Variants in ZNF106 observed in about 807,000 individuals in gnomAD.
The protein encoded by ZNF106 is zinc finger protein 106, also known as SH3-domain binding protein 3.
In ZNF106, 67 loss-of-function variants were observed where a neutral mutation model predicts 195.1. The ratio of observed to expected loss-of-function variants is 0.34; its 90% confidence interval spans 0.28 to 0.42. ZNF106 has a LOEUF of 0.42. Among genes scored for constraint, ZNF106 ranks in the 10% least tolerant of loss-of-function variants. The pLI is 1.00. For synonymous variants in ZNF106, 784 were observed against 818.6 expected, an observed-to-expected ratio of 0.96 and a Z score of 0.72; for missense variants, 2,118 against 2,304.5, an observed-to-expected ratio of 0.92 and a Z score of 1.66.
At chr15:42,487,886 G>A (rs2057052089) in intron 1 of ZNF106, among the ~76,000 whole-genome samples, 1 of 152,070 alleles carries the variant, frequency 6.6e-6, no homozygotes, top group South Asian at 2.1e-4. Flanking sequence ...ATATATGGTT[G>A]TCCCTCGATA....
chr15:42,449,984 C>T lies in ZNF106; in HGVS notation c.2288G>A (p.Ser763Asn). Residue 763 changes from serine to asparagine, a missense_variant, in exon 5 of 22, where the codon AGC (serine) becomes AAC (asparagine). By Grantham distance (46) the Ser-to-Asn change is conservative. Coordinates refer to ENST00000564754, the MANE Select transcript of ZNF106 (RefSeq NM_001366845.3). Reference sequence around the variant, plus strand: ...CTCAGGAAGGTGTACTCCAGTTTTGCTCTTCAAACTAATGTGCCGGGTTAG... The same window carrying T: ...CTCAGGAAGGTGTACTCCAGTTTTGTTCTTCAAACTAATGTGCCGGGTTAG... Reference protein sequence around the residue: ...RDLTRHISLKSKTGVHLPEPN... With the variant: ...RDLTRHISLKNKTGVHLPEPN... 1 of 1,614,178 alleles carries T rather than the reference C, an allele frequency of 6.2e-7. No individual in the cohort carries two copies. Among genetic ancestry groups the T allele is most frequent in the South Asian group, 1.1e-5 (1 of 91,084 alleles).
chr15:42,435,577 T>G, intron 13 of ZNF106, 59 bp from the exon 14 acceptor site: 1 of 1,599,134 alleles, frequency 6.3e-7, no homozygotes, highest in Non-Finnish European at 8.6e-7. Context: ...TTAGATAATA[T>G]ATTTCCTCAA....
In ZNF106 at chr15:42,451,424, G is replaced by A. The variant is rs1226793573; in HGVS notation, c.848C>T (p.Thr283Ile). Residue 283 changes from threonine to isoleucine, a missense_variant, in exon 5 of 22, where the codon ACT (threonine) becomes ATT (isoleucine). By Grantham distance (89) the Thr-to-Ile change is moderately conservative. Transcript: ENST00000564754. ...ATTAGATTTCTTGTTCCATAGCATA[G>A]TCATGTCTTCCATTTGACAGTTAGA... The part of the protein sequence containing the change: ...RNSNCQMEDM[T>I]MLWNKKSNKS... 4 of 1,614,064 alleles carry A rather than the reference G, an allele frequency of 2.5e-6. No homozygotes were observed. Among genetic ancestry groups the A allele is most frequent in the Non-Finnish European group, 3.4e-6 (4 of 1,180,048 alleles).
Position 42,451,952 on chromosome 15 carries a change from T to C in ZNF106, c.320A>G (p.Gln107Arg), listed in dbSNP as rs760418913. The C allele has an allele frequency of 1.9e-6, 3 of 1,600,394 alleles. No individual in the cohort carries two copies. Among genetic ancestry groups the C allele is most frequent in the Non-Finnish European group, 2.6e-6 (3 of 1,173,644 alleles). ...TTGGTTGCTATTGGAAGGTTCATCT[T>C]GTCTGGAAGAAAAACAGTTTTTCAT... Reference protein sequence around the residue: ...LIKQRKEQSRQDEPSNSNQEI... With the variant: ...LIKQRKEQSRRDEPSNSNQEI... The change falls in exon 5 of 22, where the codon CAA (glutamine) becomes CGA (arginine). Residue 107 changes from glutamine (Q) to arginine (R), a missense_variant and splice_region_variant. By Grantham distance (43) the Gln-to-Arg change is conservative (BLOSUM62 1). Coordinates refer to ENST00000564754, the MANE Select transcript of ZNF106 (RefSeq NM_001366845.3).
intron 19 of ZNF106, 78 bp downstream of exon 19, chr15:42,421,839 T>G (rs182633276): frequency 1.7e-6 from 2 of 1,200,142 alleles, no homozygotes; most frequent in Admixed American, 4.0e-5. Context: ...CAGAAGCAGA[T>G]GTCACTTTTG....
At chr15:42,428,842 C>T (rs1235913862) in intron 14 of ZNF106, among the ~76,000 whole-genome samples, 3 of 152,012 alleles carry the variant, frequency 2.0e-5, no homozygotes, top group Non-Finnish European at 4.4e-5. Context: ...CGGCTCACTG[C>T]AAGCTCCACC....
chr15:42,423,894 G>T, intron 17 of ZNF106, 104 bp downstream of exon 17: 1 of 1,063,462 alleles, frequency 9.4e-7, no homozygotes, highest in African/African-American at 1.6e-5. Context: ...AATCCCTTCG[G>T]TGGATAAAGG....
chr15:42,465,289 T>C (rs897168406), intron 3 of ZNF106, among the ~76,000 whole-genome samples: 1 of 152,106 alleles, frequency 6.6e-6, no homozygotes, highest in East Asian at 1.9e-4. Context: ...ATCCTTCTTT[T>C]TTTTTGAGAC....
chr15:42,472,978 C>A (rs1449988635), intron 1 of ZNF106, among the ~76,000 whole-genome samples: 1 of 150,886 alleles, frequency 6.6e-6, no homozygotes, highest in African/African-American at 2.4e-5. Context: ...GGCACTCCAG[C>A]CTGGGCGACA....
chr15:42,417,344 A>G lies in ZNF106; in HGVS notation c.5681T>C (p.Ile1894Thr), dbSNP rs3816162. Residue 1894 changes from isoleucine (I) to threonine (T), a missense_variant, in exon 22 of 22, where the codon ATT becomes ACT. By Grantham distance (89) the Ile-to-Thr change is moderately conservative. Transcript: ENST00000564754. ...GCTGTCATCTTCAGCATGTCGTTCAATATGTCCTGCAGCATCCTAGGAATG... is the reference window on the plus strand; with the variant it reads ...GCTGTCATCTTCAGCATGTCGTTCAGTATGTCCTGCAGCATCCTAGGAATG... The part of the protein sequence containing the change: ...KGSKQDAAGH[I>T]ERHAEDDSKI... The G allele has an allele frequency of 6.2e-7, 1 of 1,614,008 alleles. No homozygotes were observed. Among genetic ancestry groups the G allele is most frequent in the Admixed American group, 1.7e-5 (1 of 59,986 alleles).
intron 1 of ZNF106, among the ~76,000 whole-genome samples, chr15:42,478,964 G>A (rs544806616): frequency 3.0e-4 from 45 of 152,154 alleles, no homozygotes; most frequent in Non-Finnish European, 6.0e-4. Flanking sequence ...TTATCATTCA[G>A]TTCAAAGTAC....
At position 42,479,903 on chromosome 15, in the gene ZNF106, G is replaced by T. The variant is rs898866974; in HGVS notation, c.-32-7582C>A. On this transcript the variant is annotated intron_variant, in intron 1 of 21. Transcript: ENST00000564754. ...CCCACTCTGTCACCCAGGCTGGAGT[G>T]CCATGACACAAACATGGCTCACTGC... Among the ~76,000 whole-genome samples, 11 of 152,290 alleles carry T rather than the reference G, an allele frequency of 7.2e-5. No individual in the cohort carries two copies. The South Asian group carries it at 2.3e-3, about 32-fold the overall frequency.
Position 42,424,896 on chromosome 15 carries a change from C to T in ZNF106, c.5128G>A (p.Ala1710Thr). The change falls in exon 16 of 22, where the codon GCC becomes ACC. Residue 1710 changes from alanine (A) to threonine (T), a missense_variant. Coordinates refer to ENST00000564754, the MANE Select transcript of ZNF106 (RefSeq NM_001366845.3). ...SYDCTISVRD[A>T]RNGLLLRTLE... ...GTTCTGAGGAGCAGTCCATTCCGGG[C>T]ATCGCGTACACTAATTGTGCAGTCA... 1 of 1,614,154 alleles carries T rather than the reference C, an allele frequency of 6.2e-7. No individual in the cohort carries two copies. Among genetic ancestry groups the T allele is most frequent in the South Asian group, 1.1e-5 (1 of 91,076 alleles).
chr15:42,421,279 G>A, intron 19 of ZNF106, 147 bp from the exon 20 acceptor site: 1 of 730,724 alleles, frequency 1.4e-6, no homozygotes, highest in Non-Finnish European at 2.3e-6. Context: ...GAATGGGAAA[G>A]TATTTTCCAG....
rs2054486418 is a variant in ZNF106, at chr15:42,417,168, A to C, written c.*136T>G. 3 of 833,532 alleles carry C rather than the reference A, an allele frequency of 3.6e-6. No individual in the cohort carries two copies. In the South Asian group the frequency reaches 4.9e-5, roughly 14 times the overall value. 51.6% of individuals were successfully genotyped at this position (833,532 alleles called of 1,614,324 possible). A position where few individuals can be genotyped will look rare whatever the true frequency, so the allele number is the denominator to read the frequency against. On this transcript the variant is annotated 3_prime_UTR_variant, in exon 22 of 22. Coordinates refer to ENST00000564754, the MANE Select transcript of ZNF106 (RefSeq NM_001366845.3). ...TCATCCCATAGAGCTGCCCAGACTTATGCTAGGGGTATGCCTGGCTAGTAA... is the reference window on the plus strand; with the variant it reads ...TCATCCCATAGAGCTGCCCAGACTTCTGCTAGGGGTATGCCTGGCTAGTAA...
rs1404852138 is a variant in ZNF106, at chr15:42,448,149, C to T, written c.3058G>A (p.Ala1020Thr). 6.2e-7 allele frequency: 1 copy of T among 1,614,046 alleles called. No homozygotes were observed. The highest frequency in any genetic ancestry group is 8.5e-7 in the Non-Finnish European group (1 of 1,180,032). ...CCAGAGGTACAGCTACTATCTGTGG[C>T]TGCATCCGCTAAACTGGAGATCGCA... is the stretch of plus-strand genomic sequence containing the variant. ...ALAISSLADA[A>T]TDSSCTSGAE... Residue 1020 changes from alanine (A) to threonine (T), a missense_variant, in exon 6 of 22, where the codon GCC (alanine) becomes ACC (threonine). Coordinates refer to ENST00000564754, the MANE Select transcript of ZNF106 (RefSeq NM_001366845.3).
At chr15:42,419,543 CAA>C (rs1205578998) in intron 20 of ZNF106, among the ~76,000 whole-genome samples, 6 of 141,646 alleles carry the variant, frequency 4.2e-5, no homozygotes, top group African/African-American at 5.2e-5. Flanking sequence ...GACCCTGTCT[CAA>C]AAAAAAAAAG....
At chr15:42,449,041 G>A (rs2055882676) in intron 5 of ZNF106, among the ~76,000 whole-genome samples, 1 of 151,698 alleles carries the variant, frequency 6.6e-6, no homozygotes, top group Admixed American at 6.6e-5. Context: ...CCCTTTTACT[G>A]AGCACTTACA....
rs573538272 is a variant in ZNF106 at position 42,464,321 on chromosome 15, C to T, written c.116+1732G>A. Reference sequence around the variant, plus strand: ...CACCACTGCACTCTAACCTGGGCAACAGAGTGAGACTCCGTCTCAAAAAAA... The same window carrying T: ...CACCACTGCACTCTAACCTGGGCAATAGAGTGAGACTCCGTCTCAAAAAAA... On this transcript the variant is annotated intron_variant, in intron 3 of 21. Coordinates refer to ENST00000564754, the MANE Select transcript of ZNF106 (RefSeq NM_001366845.3). Among the ~76,000 whole-genome samples, 24 of 148,210 alleles carry T rather than the reference C, an allele frequency of 1.6e-4. No individual in the cohort carries two copies. In the South Asian group the frequency reaches 5.1e-3, roughly 32 times the overall value.
Sources: allele counts gnomAD v4.1 joint callset (sites outside exome capture counted in the v4.1 genomes callset), GRCh38; gene constraint gnomAD v4.1.1; transcripts MANE v1.5; gene names NCBI Gene and HGNC (gene_info 2026-07-23, HGNC 2026-07-21).